Variants in SPTY2D1 observed in about 807,000 individuals in gnomAD.
The protein encoded by SPTY2D1 is SPT2 chromatin protein domain containing 1.
Under a neutral mutation model 64.0 loss-of-function variants are expected in SPTY2D1, and 21 were observed. The observed-to-expected ratio is 0.33, with a 90% CI of 0.23 to 0.47. The LOEUF (loss-of-function observed/expected upper bound fraction) is 0.47. Among genes scored for constraint, SPTY2D1 ranks in the 20% least tolerant of loss-of-function variants. The pLI, the probability that SPTY2D1 is intolerant of heterozygous loss-of-function variation, is 1.00. For synonymous variants in SPTY2D1, 287 were observed against 286.8 expected, an observed-to-expected ratio of 1.00 and a Z score of -0.01; for missense variants, 724 against 837.2, an observed-to-expected ratio of 0.86 and a Z score of 1.67.
intron 1 of SPTY2D1, among the ~76,000 whole-genome samples, chr11:18,620,703 A>G (rs7936497): frequency 0.083 from 12,559 of 151,350 alleles, 1,373 homozygotes; most frequent in African/African-American, 0.26. Flanking sequence ...TGGCCAACAC[A>G]GTGAAACCCT....
intron 1 of SPTY2D1, among the ~76,000 whole-genome samples, chr11:18,620,365 G>C (rs182414687): frequency 7.8e-4 from 119 of 152,158 alleles, no homozygotes; most frequent in African/African-American, 2.8e-3. Context: ...TGTAGTCCCA[G>C]CCAGTTGGGA....
Position 18,615,213 on chromosome 11 carries a change from CCAGGCCTGG to C in SPTY2D1, c.1052_1060del (p.Ser351_Gly354delinsTrp). The C allele has an allele frequency of 6.2e-7, 1 of 1,614,130 alleles. No homozygotes were observed. The highest frequency in any genetic ancestry group is 8.5e-7 in the Non-Finnish European group (1 of 1,180,028). On this transcript the variant is annotated inframe_deletion, in exon 3 of 6. Coordinates refer to ENST00000336349, the MANE Select transcript of SPTY2D1 (RefSeq NM_194285.3). ...CTTATTGTGTGGGGTGACCATGGGC[CCAGGCCTGG>C]AATGGCTAGGATGGGACAGAGATTT...
intron 1 of SPTY2D1, among the ~76,000 whole-genome samples, chr11:18,617,895 T>C (rs909926560): frequency 6.6e-6 from 1 of 152,152 alleles, no homozygotes; most frequent in African/African-American, 2.4e-5. Context: ...TGAGCCGAGA[T>C]TGCGCCACTG....
At chr11:18,613,895 A>C (rs1854245685) in intron 3 of SPTY2D1, among the ~76,000 whole-genome samples, 1 of 152,204 alleles carries the variant, frequency 6.6e-6, no homozygotes, top group Non-Finnish European at 1.5e-5. Flanking sequence ...ATGGGTGCCC[A>C]AGAAATATCT....
Position 18,615,291 on chromosome 11 carries a change from G to T in SPTY2D1, c.983C>A (p.Ser328Tyr). 6.2e-7 allele frequency: 1 copy of T among 1,614,224 alleles called. No individual in the cohort carries two copies. Among genetic ancestry groups the T allele is most frequent in the Non-Finnish European group, 8.5e-7 (1 of 1,180,046 alleles). The change falls in exon 3 of 6, where the codon TCT becomes TAT. Residue 328 changes from serine to tyrosine, a missense_variant. Physicochemically the swap from Ser to Tyr is moderately radical, Grantham distance 144. This residue lies in a region of SPTY2D1 where 426 missense variants were observed against 431.8 expected (regional missense o/e 0.99). Transcript: ENST00000336349. ...STSSPSVPKT[S>Y]ASRTQKSAVE... The stretch of plus-strand genomic sequence containing the variant: ...AGCAGATTTCTGAGTCCTGCTAGCA[G>T]AAGTCTTTGGGACACTTGGTGAAGA...
At position 18,615,234 on chromosome 11, in the gene SPTY2D1, T is replaced by C. The variant is rs1314248086; in HGVS notation, c.1040A>G (p.His347Arg). The C allele has an allele frequency of 1.2e-6, 2 of 1,614,246 alleles. No individual in the cohort carries two copies. Among genetic ancestry groups the C allele is most frequent in the Admixed American group, 1.7e-5 (1 of 60,032 alleles). ...GGGCCCAGGCCTGGAATGGCTAGGA[T>C]GGGACAGAGATTTTTTGGCTTTGTG... ...VEHKAKKSLSHPSHSRPGPMV... is the reference protein window; with the variant it reads ...VEHKAKKSLSRPSHSRPGPMV... The change falls in exon 3 of 6, where the codon CAT becomes CGT. Residue 347 changes from histidine to arginine, a missense_variant. By Grantham distance (29) the His-to-Arg change is conservative (BLOSUM62 0). This residue lies in a region of SPTY2D1 where 426 missense variants were observed against 431.8 expected (regional missense o/e 0.99). Transcript: ENST00000336349.
rs756392971 is a variant in SPTY2D1, at chr11:18,615,976, G to A, written c.298C>T (p.Pro100Ser). 6.2e-7 allele frequency: 1 copy of A among 1,614,098 alleles called. No individual in the cohort carries two copies. The highest frequency in any genetic ancestry group is 1.7e-5 in the Admixed American group (1 of 60,014). ...KDNFHGYNGI[P>S]IEEKSKKRQA... ...CTCTTCTTTGACTTTTCCTCAATAGGAATCCCATTGTAACCATGGAAATTA... is the reference window on the plus strand; with the variant it reads ...CTCTTCTTTGACTTTTCCTCAATAGAAATCCCATTGTAACCATGGAAATTA... Residue 100 changes from proline (P) to serine (S), a missense_variant, in exon 3 of 6, where the codon CCT becomes TCT. Coordinates refer to ENST00000336349, the MANE Select transcript of SPTY2D1 (RefSeq NM_194285.3).
chr11:18,616,091 C>T lies in SPTY2D1; in HGVS notation c.183G>A (p.Glu61=), dbSNP rs1332097389. 6.2e-7 allele frequency: 1 copy of T among 1,603,822 alleles called. No individual in the cohort carries two copies. The highest frequency in any genetic ancestry group is 2.2e-5 in the East Asian group (1 of 44,790). Residue 61 remains glutamate, a synonymous_variant, in exon 3 of 6, where the codon GAG becomes GAA. Coordinates refer to ENST00000336349, the MANE Select transcript of SPTY2D1 (RefSeq NM_194285.3). ...KEEELRRKAL[E]EKRRKEELVK... is the part of the protein sequence containing the mutation. ...CTAGTTCCTCTTTTCTCCTTTTCTCCTCTAAGGCTAAAAGGGACAAAACAA... is the reference window on the plus strand; with the variant it reads ...CTAGTTCCTCTTTTCTCCTTTTCTCTTCTAAGGCTAAAAGGGACAAAACAA...
intron 1 of SPTY2D1, among the ~76,000 whole-genome samples, chr11:18,625,560 T>A (rs550447326): frequency 2.0e-5 from 3 of 152,136 alleles, no homozygotes; most frequent in Admixed American, 1.3e-4. Context: ...TCTCATTTTT[T>A]TTTTTTAGAA....
rs562811444 is a variant in SPTY2D1, at chr11:18,619,456, T to TAA, written c.61-2469_61-2468dup. 6.9e-3 allele frequency among the ~76,000 whole-genome samples: 789 copies of TAA among 114,632 alleles called. 8 individuals carry two copies. Among genetic ancestry groups the TAA allele is most frequent in the South Asian group, 0.01 (35 of 3,340 alleles). 75.2% of individuals were successfully genotyped at this position (114,632 alleles called of 152,430 possible). On this transcript the variant is annotated intron_variant, in intron 1 of 5. Transcript: ENST00000336349. ...ACAACATGGTGAGAACTCATCTCTT[T>TAA]AAAAAAAAAAAAAAAAAAAAGGCTG...
chr11:18,618,934 A>G (rs960814617), intron 1 of SPTY2D1, among the ~76,000 whole-genome samples: 2 of 152,208 alleles, frequency 1.3e-5, no homozygotes, highest in Non-Finnish European at 2.9e-5. Flanking sequence ...CCAAGACAGC[A>G]TCCAGATTTC....
In SPTY2D1 at chr11:18,616,135, A is replaced by C. The variant is rs757380524; in HGVS notation, c.176-37T>G. ...AAAACAAGAATATGTTATTACTTCG[A>C]GATCTCAAGATTGCAGTATGCTCAA... On this transcript the variant is annotated intron_variant, in intron 2 of 5. Transcript: ENST00000336349. The C allele has an allele frequency of 3.3e-6, 5 of 1,526,992 alleles. No homozygotes were observed. The South Asian group carries it at 6.4e-5, about 20-fold the overall frequency. The allele number at this position is 1,526,992 out of a possible 1,614,324, so 94.6% of individuals were successfully genotyped here. A position where few individuals can be genotyped will look rare whatever the true frequency, so the allele number is the denominator to read the frequency against.
chr11:18,623,135 G>A (rs1180654403), intron 1 of SPTY2D1, among the ~76,000 whole-genome samples: 1 of 151,686 alleles, frequency 6.6e-6, no homozygotes, highest in Non-Finnish European at 1.5e-5. Context: ...AATATTTCTA[G>A]GCTATGTTCA....
intron 1 of SPTY2D1, among the ~76,000 whole-genome samples, chr11:18,623,883 T>C (rs1012558184): frequency 6.6e-6 from 1 of 152,262 alleles, no homozygotes; most frequent in Admixed American, 6.5e-5. Flanking sequence ...CAATATTTCC[T>C]TCCTTTTTGT....
rs1167090965 is a variant in SPTY2D1 at position 18,612,477 on chromosome 11, G to C, written c.1723C>G (p.Leu575Val). The part of the protein sequence containing the change: ...GYRAAQGPQR[L>V]PFPTGYKRQR... ...CTTTTGTAACCAGTAGGGAAGGGAA[G>C]CCTTTGAGGACCTAAGAAACCATTA... The change falls in exon 4 of 6, where the codon CTT (leucine) becomes GTT (valine). Residue 575 changes from leucine (L) to valine (V), a missense_variant. Around this residue, in one of 3 missense-constraint regions of SPTY2D1, gnomAD observed 119 missense variants for 172.9 expected, o/e 0.69. Transcript: ENST00000336349. This position sits in a 1 kb window ranked among gnomAD's most constrained non-coding sequence, Gnocchi z 4.6. 6.3e-7 allele frequency: 1 copy of C among 1,596,498 alleles called. No individual in the cohort carries two copies. Among genetic ancestry groups the C allele is most frequent in the African/African-American group, 1.3e-5 (1 of 74,074 alleles).
intron 1 of SPTY2D1, among the ~76,000 whole-genome samples, chr11:18,632,885 A>G (rs1020733677): frequency 2.6e-5 from 4 of 152,328 alleles, no homozygotes; most frequent in African/African-American, 4.8e-5. Context: ...CTGAAATTCA[A>G]TAAGATCTAG....
chr11:18,622,558 A>G (rs531853066), intron 1 of SPTY2D1, among the ~76,000 whole-genome samples: 2 of 152,088 alleles, frequency 1.3e-5, no homozygotes, highest in South Asian at 4.2e-4. Flanking sequence ...AAATTCATAT[A>G]CCACAAAATT....
intron 1 of SPTY2D1, among the ~76,000 whole-genome samples, chr11:18,626,429 A>AAAC (rs1554988981): frequency 1.9e-4 from 1 of 5,274 alleles, no homozygotes; most frequent in Non-Finnish European, 5.1e-3. Context: ...ACAAACAAAC[A>AAAC]AAAAAAAAAA....
At chr11:18,628,648 C>T (rs985077312) in intron 1 of SPTY2D1, among the ~76,000 whole-genome samples, 1 of 152,174 alleles carries the variant, frequency 6.6e-6, no homozygotes. Flanking sequence ...GTGGAGTCTG[C>T]GTCTTCCCAG....
Sources: gnomAD v4.1 joint callset for allele counts (sites outside exome capture counted in the v4.1 genomes callset) on GRCh38, gnomAD v4.1.1 for gene constraint, gnomAD v4.1.1 regional missense constraint, Gnocchi (gnomAD v3.1) non-coding constraint, MANE v1.5 for transcripts, NCBI Gene and HGNC (gene_info 2026-07-23, HGNC 2026-07-21) for gene names.